UBR2: variants seen among roughly 807,000 people sequenced by gnomAD.
The protein encoded by UBR2 is ubiquitin protein ligase E3 component n-recognin 2.
In UBR2, 92 loss-of-function variants were observed where a neutral mutation model predicts 247.9. That is an observed-to-expected ratio of 0.37 (90% CI 0.31 to 0.44). UBR2 has a LOEUF of 0.44. Ranked by LOEUF, UBR2 falls within the 20% of genes least tolerant of loss-of-function variation. UBR2 has a pLI of 1.00. For missense variants in UBR2, 1,613 were observed against 2,112.6 expected, an observed-to-expected ratio of 0.76 and a Z score of 4.64; for synonymous variants, 672 against 693.5, an observed-to-expected ratio of 0.97 and a Z score of 0.49.
chr6:42,693,145 C>A lies in UBR2; in HGVS notation c.*1972C>A, dbSNP rs1217087079. 7.1e-6 allele frequency: 1 copy of A among 140,794 alleles called. No individual in the cohort carries two copies. 8.7% of individuals were successfully genotyped at this position (140,794 alleles called of 1,614,324 possible). On this transcript the variant is annotated 3_prime_UTR_variant, in exon 47 of 47. Transcript: ENST00000372901. ...ACAATACTCCAGCTTTCCGGTCCGA[C>A]TTCCTAGGAGCCTGGAGTTAGCAAA... is the stretch of plus-strand genomic sequence containing the variant.
intron 34 of UBR2, among the ~76,000 whole-genome samples, chr6:42,667,218 C>T (rs561752243): frequency 2.1e-4 from 32 of 152,120 alleles, no homozygotes; most frequent in Non-Finnish European, 4.0e-4. Flanking sequence ...CGCTTGTAAT[C>T]CCAGCTACTT....
At chr6:42,605,256 G>C (rs1793629241) in intron 5 of UBR2, among the ~76,000 whole-genome samples, 1 of 152,094 alleles carries the variant, frequency 6.6e-6, no homozygotes, top group South Asian at 2.1e-4. Flanking sequence ...TATGGGGGCT[G>C]TCTGGTGAAT....
chr6:42,615,487 G>T (rs1794485674), intron 9 of UBR2, among the ~76,000 whole-genome samples: 1 of 152,086 alleles, frequency 6.6e-6, no homozygotes, highest in African/African-American at 2.4e-5. Context: ...TCACTCTGTT[G>T]CCCAGGCAAC....
rs775735507 is a variant in UBR2, at chr6:42,691,144, C to G, written c.5239C>G (p.Leu1747Val). 7 of 1,614,046 alleles carry G rather than the reference C, an allele frequency of 4.3e-6. No homozygotes were observed. Among genetic ancestry groups the G allele is most frequent in the South Asian group, 1.1e-5 (1 of 91,074 alleles). Residue 1747 changes from leucine to valine, a missense_variant, in exon 47 of 47, where the codon CTG (leucine) becomes GTG (valine). Physicochemically the swap from Leu to Val is conservative, Grantham distance 32 (BLOSUM62 1). Coordinates refer to ENST00000372901, the MANE Select transcript of UBR2 (RefSeq NM_001363705.2). ...IGHAQEANQT[L>V]VGIDWQHL Reference sequence around the variant, plus strand: ...ACATGCACAGGAAGCCAATCAGACACTGGTTGGCATTGACTGGCAACATTT... The same window carrying G: ...ACATGCACAGGAAGCCAATCAGACAGTGGTTGGCATTGACTGGCAACATTT...
intron 2 of UBR2, among the ~76,000 whole-genome samples, chr6:42,585,821 T>G (rs1792220090): frequency 6.6e-6 from 1 of 152,184 alleles, no homozygotes; most frequent in Non-Finnish European, 1.5e-5. Flanking sequence ...ATCAATTTAA[T>G]TTTGTCAAAT....
intron 11 of UBR2, 51 bp from the exon 12 acceptor site, chr6:42,632,501 C>T: frequency 1.3e-6 from 2 of 1,489,582 alleles, no homozygotes; most frequent in Admixed American, 2.4e-5. Flanking sequence ...TTTTAGTCTT[C>T]CTAGTACATA....
intron 4 of UBR2, among the ~76,000 whole-genome samples, chr6:42,600,072 T>C (rs1046779244): frequency 1.3e-5 from 2 of 152,220 alleles, no homozygotes; most frequent in Non-Finnish European, 2.9e-5. Flanking sequence ...TCTATATTTT[T>C]AGTTGGGCAG....
chr6:42,564,583 A>C (rs1387655309), intron 1 of UBR2, among the ~76,000 whole-genome samples, 186 bp downstream of exon 1: 1 of 152,146 alleles, frequency 6.6e-6, no homozygotes, highest in Non-Finnish European at 1.5e-5. Context: ...CATTTTCAAC[A>C]GCTGCCAGAG....
chr6:42,630,501 C>T lies in UBR2; in HGVS notation c.1282-2051C>T, dbSNP rs548756221. Among the ~76,000 whole-genome samples, 4 of 151,084 alleles carry T rather than the reference C, an allele frequency of 2.6e-5. No homozygotes were observed. In the South Asian group the frequency reaches 8.4e-4, roughly 32 times the overall value. ...CCCAGCCTATTTTTTTTTTTTGATACCCCTAAAGACAATTAGAATCTAATC... is the reference window on the plus strand; with the variant it reads ...CCCAGCCTATTTTTTTTTTTTGATATCCCTAAAGACAATTAGAATCTAATC... On this transcript the variant is annotated intron_variant, in intron 11 of 46. Coordinates refer to ENST00000372901, the MANE Select transcript of UBR2 (RefSeq NM_001363705.2).
chr6:42,568,093 G>A (rs1436555771), intron 1 of UBR2, among the ~76,000 whole-genome samples: 1 of 152,118 alleles, frequency 6.6e-6, no homozygotes, highest in Non-Finnish European at 1.5e-5. Flanking sequence ...TAAGTTTTAT[G>A]TAGAGTTTTA....
rs1390887097 is a variant in UBR2, at chr6:42,670,079, A to G, written c.3882-13A>G. On this transcript the variant is annotated splice_polypyrimidine_tract_variant and intron_variant, in intron 34 of 46. Coordinates refer to ENST00000372901, the MANE Select transcript of UBR2 (RefSeq NM_001363705.2). ...ACATTGTTCTGAGCTAATTTTATACATGTTTACTTCAGGATCCCTTATTCT... is the reference window on the plus strand; with the variant it reads ...ACATTGTTCTGAGCTAATTTTATACGTGTTTACTTCAGGATCCCTTATTCT... The G allele has an allele frequency of 2.5e-6, 4 of 1,613,004 alleles. No homozygotes were observed. Among genetic ancestry groups the G allele is most frequent in the South Asian group, 1.1e-5 (1 of 91,016 alleles).
At position 42,676,824 on chromosome 6, in the gene UBR2, G is replaced by A. The variant is rs368126304; in HGVS notation, c.4429G>A (p.Glu1477Lys). Residue 1477 changes from glutamate (E) to lysine (K), a missense_variant, in exon 40 of 47, where the codon GAA becomes AAA. By Grantham distance (56) the Glu-to-Lys change is moderately conservative (BLOSUM62 1). Coordinates refer to ENST00000372901, the MANE Select transcript of UBR2 (RefSeq NM_001363705.2). ...TCAAGAAAATCCCCCTTGTGAAGAA[G>A]AATCAGCAGTTCTTGCTTTGTATAA... is the stretch of plus-strand genomic sequence containing the variant. ...MDQENPPCEEESAVLALYKTL... is the reference protein window; with the variant it reads ...MDQENPPCEEKSAVLALYKTL... 7 of 1,614,034 alleles carry A rather than the reference G, an allele frequency of 4.3e-6. No homozygotes were observed. The highest frequency in any genetic ancestry group is 5.9e-6 in the Non-Finnish European group (7 of 1,179,972).
At position 42,683,180 on chromosome 6, in the gene UBR2, A is replaced by G. The variant is rs1799157491; in HGVS notation, c.4775+69A>G. On this transcript the variant is annotated intron_variant, in intron 43 of 46. Coordinates refer to ENST00000372901, the MANE Select transcript of UBR2 (RefSeq NM_001363705.2). ...GGTGGAATCAGGATATAAGTGCTAT[A>G]TTCCTTCAGAAACTGACTTCTCAAG... 4 of 1,319,242 alleles carry G rather than the reference A, an allele frequency of 3.0e-6. No individual in the cohort carries two copies. The African/African-American group carries it at 5.9e-5, about 20-fold the overall frequency. The allele number at this position is 1,319,242 out of a possible 1,614,324, so 81.7% of individuals were successfully genotyped here.
At position 42,658,058 on chromosome 6, in the gene UBR2, A is replaced by C. The variant is rs138557643; in HGVS notation, c.2907A>C (p.Ile969=). 1.2e-6 allele frequency: 2 copies of C among 1,614,072 alleles called. No individual in the cohort carries two copies. The highest frequency in any genetic ancestry group is 1.7e-6 in the Non-Finnish European group (2 of 1,179,954). Residue 969 remains isoleucine, a synonymous_variant, in exon 27 of 47, where the codon ATA becomes ATC. Coordinates refer to ENST00000372901, the MANE Select transcript of UBR2 (RefSeq NM_001363705.2). ...AAGCGCCAAAAAATTCTCCTAGCAT[A>C]CTAGCTATGCTGGAAACACTACAAA... The part of the protein sequence containing the change: ...PGEAPKNSPS[I]LAMLETLQNA...
rs758343437 is a variant in UBR2 at position 42,665,556 on chromosome 6, G to C, written c.3802+44G>C. 2.8e-6 allele frequency: 4 copies of C among 1,415,958 alleles called. No individual in the cohort carries two copies. The South Asian group carries it at 5.1e-5, about 18-fold the overall frequency. The allele number at this position is 1,415,958 out of a possible 1,614,324, so 87.7% of individuals were successfully genotyped here. A position where few individuals can be genotyped will look rare whatever the true frequency, so the allele number is the denominator to read the frequency against. On this transcript the variant is annotated intron_variant, in intron 33 of 46. Coordinates refer to ENST00000372901, the MANE Select transcript of UBR2 (RefSeq NM_001363705.2). Reference sequence around the variant, plus strand: ...TTTTCATTTTTCCCTAAAGTCCGAGGTCATCAGAAAATGTATTTCCAGAAG... The same window carrying C: ...TTTTCATTTTTCCCTAAAGTCCGAGCTCATCAGAAAATGTATTTCCAGAAG...
At chr6:42,638,189 T>C (rs1224728380) in intron 15 of UBR2, among the ~76,000 whole-genome samples, 2 of 152,228 alleles carry the variant, frequency 1.3e-5, no homozygotes, top group Admixed American at 1.3e-4. Context: ...GATACGGGCC[T>C]GTTTAGGTTA....
intron 33 of UBR2, among the ~76,000 whole-genome samples, chr6:42,665,868 C>A (rs568103670): frequency 6.6e-6 from 1 of 152,100 alleles, no homozygotes; most frequent in East Asian, 1.9e-4. Flanking sequence ...ATAGACCATG[C>A]ACTGCACTTA....
Position 42,676,172 on chromosome 6 carries a change from C to A in UBR2, c.4368C>A (p.Ile1456=). ...TTACTATGGCACACATCATACAGAT[C>A]TTACTTACCTCATGTACAGGTAACT... ...HLVTMAHIIQ[I]LLTSCTEENG... The change falls in exon 39 of 47, where the codon ATC becomes ATA. Residue 1456 remains isoleucine (I), a synonymous_variant. Transcript: ENST00000372901. 4 of 1,608,996 alleles carry A rather than the reference C, an allele frequency of 2.5e-6. No homozygotes were observed. Among genetic ancestry groups the A allele is most frequent in the Non-Finnish European group, 3.4e-6 (4 of 1,178,804 alleles).
At chr6:42,684,737 A>C in intron 43 of UBR2, 57 bp from the exon 44 acceptor site, 1 of 1,379,316 alleles carries the variant, frequency 7.2e-7, no homozygotes, top group East Asian at 2.3e-5. Flanking sequence ...GAAGTGCCTC[A>C]TAGTATAATA....
Sources: gnomAD v4.1 joint callset for allele counts (sites outside exome capture counted in the v4.1 genomes callset) on GRCh38, gnomAD v4.1.1 for gene constraint, MANE v1.5 for transcripts, NCBI Gene and HGNC (gene_info 2026-07-23, HGNC 2026-07-21) for gene names.